The following TRIM55 variants were observed in gnomAD, a reference collection of about 807,000 sequenced individuals.
TRIM55 encodes tripartite motif containing 55.
A neutral mutation model predicts 60.9 loss-of-function variants in TRIM55; 50 were observed. The observed-to-expected ratio is 0.82, with a 90% CI of 0.65 to 1.04. The LOEUF is 1.04. Ranked by LOEUF, TRIM55 falls within the 50% of genes least tolerant of loss-of-function variation. The probability of loss-of-function intolerance (pLI) is 0.00; values close to 1 mark genes in which losing one functional copy is unlikely to be tolerated. For missense variants in TRIM55, 681 were observed against 666.9 expected, an observed-to-expected ratio of 1.02 and a Z score of -0.23; for synonymous variants, 237 against 238.1, an observed-to-expected ratio of 1.00 and a Z score of 0.04.
At chr8:66,146,407 A>G (rs1810098508) in intron 4 of TRIM55, among the ~76,000 whole-genome samples, 2 of 152,186 alleles carry the variant, frequency 1.3e-5, no homozygotes. Flanking sequence ...TTTAATCTTT[A>G]TTTGACTTGA....
At chr8:66,127,534 CT>C in intron 1 of TRIM55, 98 bp downstream of exon 1, 1 of 1,447,572 alleles carries the variant, frequency 6.9e-7, no homozygotes, top group Non-Finnish European at 9.5e-7. Context: ...CTTTAAAAAA[CT>C]TTATAAGGTT....
chr8:66,149,098 T>C (rs1200233196), intron 4 of TRIM55, among the ~76,000 whole-genome samples: 1 of 152,140 alleles, frequency 6.6e-6, no homozygotes, highest in African/African-American at 2.4e-5. Flanking sequence ...AACTGTACTC[T>C]GAGAAAATTA....
intron 9 of TRIM55, among the ~76,000 whole-genome samples, chr8:66,172,909 T>TTTG (rs1811722897): frequency 6.6e-6 from 1 of 152,226 alleles, no homozygotes; most frequent in Non-Finnish European, 1.5e-5. Context: ...CATTTGGGCT[T>TTTG]TCGGGGTTTT....
Position 66,137,117 on chromosome 8 carries a change from C to T in TRIM55, c.530C>T (p.Ala177Val). ...TAGTCTGAGCTCAGTGATGGCATCG[C>T]CATCCTCGTGGGCAGCAACGATCGA... ...RQKSELSDGI[A>V]ILVGSNDRVQ... Residue 177 changes from alanine to valine, a missense_variant, in exon 4 of 10, where the codon GCC (alanine) becomes GTC (valine). Ala to Val is a moderately conservative substitution (Grantham distance 64). Coordinates refer to ENST00000315962, the MANE Select transcript of TRIM55 (RefSeq NM_184085.2). The T allele has an allele frequency of 3.1e-6, 5 of 1,614,086 alleles. No individual in the cohort carries two copies. The highest frequency in any genetic ancestry group is 4.2e-6 in the Non-Finnish European group (5 of 1,179,986).
intron 2 of TRIM55, 136 bp from the exon 3 acceptor site, chr8:66,134,853 CT>C: frequency 1.1e-6 from 1 of 908,038 alleles, no homozygotes; most frequent in Non-Finnish European, 1.6e-6. Flanking sequence ...GAAAGGGCCC[CT>C]GGGGGTCTTC....
chr8:66,166,863 G>A (rs1811355765), intron 9 of TRIM55, among the ~76,000 whole-genome samples: 2 of 152,174 alleles, frequency 1.3e-5, no homozygotes, highest in Non-Finnish European at 2.9e-5. Context: ...ACTTCACTTA[G>A]GTTCATGGGA....
intron 5 of TRIM55, 36 bp downstream of exon 5, chr8:66,149,914 A>G (rs1031558368): frequency 6.6e-7 from 1 of 1,510,004 alleles, no homozygotes; most frequent in Non-Finnish European, 9.2e-7. Flanking sequence ...AACAACCCAA[A>G]AGGTGGGTGT....
chr8:66,113,477 T>C, the TRIM55 span: 2 of 455,310 alleles, frequency 4.4e-6, no homozygotes, highest in Non-Finnish European at 4.4e-6. Context: ...GCGGTTTTTT[T>C]CTCCAGCTCC....
rs776930378 is a variant in TRIM55 at position 66,152,406 on chromosome 8, G to A, written c.1015G>A (p.Gly339Arg). 47 of 1,605,784 alleles carry A rather than the reference G, an allele frequency of 2.9e-5. No homozygotes were observed. The highest frequency in any genetic ancestry group is 1.0e-4 in the South Asian group (9 of 90,260). ...EDEDEEEEEG[G>R]EGEKEGEGEV... ...TGAAGATGAAGAAGAAGAAGAAGGC[G>A]GAGAAGGAGAAAAAGAAGGAGAAGG... The change falls in exon 8 of 10, where the codon GGA (glycine) becomes AGA (arginine). Residue 339 changes from glycine to arginine, a missense_variant. Gly to Arg is a moderately radical substitution (Grantham distance 125). Coordinates refer to ENST00000315962, the MANE Select transcript of TRIM55 (RefSeq NM_184085.2).
At chr8:66,116,024 G>A in the TRIM55 span, among the ~76,000 whole-genome samples, 2 of 152,150 alleles carry the variant, frequency 1.3e-5, no homozygotes, top group African/African-American at 2.4e-5. Context: ...ATACAGCGAA[G>A]GCCTGGGGGA....
chr8:66,128,799 T>G (rs1204874832), intron 2 of TRIM55, among the ~76,000 whole-genome samples: 1 of 152,194 alleles, frequency 6.6e-6, no homozygotes, highest in Non-Finnish European at 1.5e-5. Context: ...TTACACATTT[T>G]GCACTTCACA....
chr8:66,174,453 C>T lies in TRIM55; in HGVS notation c.1525-18C>T, dbSNP rs746708639. 1 of 1,608,394 alleles carries T rather than the reference C, an allele frequency of 6.2e-7. No individual in the cohort carries two copies. Among genetic ancestry groups the T allele is most frequent in the South Asian group, 1.1e-5 (1 of 90,398 alleles). ...ACAAACCTCTTTTTTCTCTGATTCC[C>T]ATTTTCTTCCATTGCAGATTGGATT... On this transcript the variant is annotated intron_variant, in intron 9 of 9. Coordinates refer to ENST00000315962, the MANE Select transcript of TRIM55 (RefSeq NM_184085.2).
At chr8:66,151,549 G>A (rs1019229554) in intron 7 of TRIM55, among the ~76,000 whole-genome samples, 7 of 152,096 alleles carry the variant, frequency 4.6e-5, no homozygotes, top group Admixed American at 4.6e-4. Flanking sequence ...TCGCCTGAGG[G>A]AATATTAAGA....
chr8:66,129,933 TA>T (rs1169493814), intron 2 of TRIM55, among the ~76,000 whole-genome samples: 1 of 152,162 alleles, frequency 6.6e-6, no homozygotes, highest in Non-Finnish European at 1.5e-5. Flanking sequence ...ATACCACAAA[TA>T]TTCTTACGTA....
chr8:66,146,057 C>A (rs1810078813), intron 4 of TRIM55, among the ~76,000 whole-genome samples: 1 of 152,156 alleles, frequency 6.6e-6, no homozygotes, highest in African/African-American at 2.4e-5. Flanking sequence ...ATATTCCATG[C>A]AGCTTCAAAA....
At chr8:66,133,056 G>C (rs1365382588) in intron 2 of TRIM55, among the ~76,000 whole-genome samples, 1 of 152,134 alleles carries the variant, frequency 6.6e-6, no homozygotes, top group African/African-American at 2.4e-5. Context: ...TTAATAATAA[G>C]GTGGAGATAC....
the TRIM55 span, among the ~76,000 whole-genome samples, chr8:66,114,146 G>A: frequency 7.0e-6 from 1 of 142,302 alleles, no homozygotes; most frequent in East Asian, 2.1e-4. Flanking sequence ...TCAATGTTCT[G>A]ACCCTTCTCT....
rs1292943684 is a variant in TRIM55, at chr8:66,154,214, A to G, written c.1404A>G (p.Gln468=). 3 of 1,614,054 alleles carry G rather than the reference A, an allele frequency of 1.9e-6. No homozygotes were observed. Among genetic ancestry groups the G allele is most frequent in the Non-Finnish European group, 2.5e-6 (3 of 1,180,000 alleles). ...PCTPGSEGLG[Q]IGPPGSEDSN... ...CCCCAGGGAGCGAAGGTCTGGGGCA[A>G]ATAGGGCCTCCAGGTTCTGAGGATT... Residue 468 remains glutamine (Q), a synonymous_variant, in exon 9 of 10, where the codon CAA becomes CAG. Transcript: ENST00000315962.
chr8:66,161,962 C>T (rs866772656), intron 9 of TRIM55, among the ~76,000 whole-genome samples: 1 of 152,042 alleles, frequency 6.6e-6, no homozygotes, highest in African/African-American at 2.4e-5. Flanking sequence ...CTATCATCAG[C>T]AAACAGCAAT....
Sources: allele counts gnomAD v4.1 joint callset (sites outside exome capture counted in the v4.1 genomes callset), GRCh38; gene constraint gnomAD v4.1.1; transcripts MANE v1.5; gene names NCBI Gene and HGNC (gene_info 2026-07-23, HGNC 2026-07-21).